TMEM65: variants seen among roughly 807,000 people sequenced by gnomAD.
TMEM65 encodes the protein transmembrane protein 65.
Under a neutral mutation model 25.4 loss-of-function variants are expected in TMEM65, and 22 were observed. The observed-to-expected ratio is 0.86, with a 90% CI of 0.62 to 1.23. The LOEUF (loss-of-function observed/expected upper bound fraction) is 1.23, where lower values mean the gene tolerates loss of function less well. Among genes scored for constraint, TMEM65 ranks in the 50% most tolerant of loss-of-function variants. The pLI is 0.00. For synonymous variants in TMEM65, 132 were observed against 126.2 expected, an observed-to-expected ratio of 1.05 and a Z score of -0.31; for missense variants, 262 against 308.2, an observed-to-expected ratio of 0.85 and a Z score of 1.12.
chr8:124,334,417 GA>G (rs1814476663), intron 1 of TMEM65, among the ~76,000 whole-genome samples: 4 of 151,778 alleles, frequency 2.6e-5, no homozygotes, highest in Admixed American at 1.3e-4. Context: ...AGAAAATATC[GA>G]AAAAAGAACC....
chr8:124,342,446 T>C (rs1814592845), intron 1 of TMEM65, among the ~76,000 whole-genome samples: 1 of 152,162 alleles, frequency 6.6e-6, no homozygotes, highest in South Asian at 2.1e-4. Context: ...TGGCAGATTT[T>C]CACAGTAGTT....
chr8:124,367,846 T>G (rs1333256477), intron 1 of TMEM65, among the ~76,000 whole-genome samples: 1 of 147,144 alleles, frequency 6.8e-6, no homozygotes, highest in Non-Finnish European at 1.5e-5. Flanking sequence ...ACCACTCACA[T>G]AGAGTAATCA....
At chr8:124,331,566 G>A (rs565131465) in intron 1 of TMEM65, among the ~76,000 whole-genome samples, 2 of 151,516 alleles carry the variant, frequency 1.3e-5, no homozygotes, top group East Asian at 1.9e-4. Flanking sequence ...GTATCTTTAC[G>A]TGTCAACATT....
At chr8:124,318,080 G>A (rs760685116) in intron 6 of TMEM65, among the ~76,000 whole-genome samples, 6 of 152,184 alleles carry the variant, frequency 3.9e-5, no homozygotes, top group African/African-American at 7.2e-5. Flanking sequence ...TACCAAAAGC[G>A]AGTTGCACAA....
intron 1 of TMEM65, among the ~76,000 whole-genome samples, chr8:124,344,483 C>A (rs1279249945): frequency 6.6e-6 from 1 of 152,198 alleles, no homozygotes; most frequent in African/African-American, 2.4e-5. Context: ...TCTTCAAATT[C>A]TCTTGCTAAA....
At chr8:124,345,607 T>C (rs1030439446) in intron 1 of TMEM65, among the ~76,000 whole-genome samples, 1 of 152,236 alleles carries the variant, frequency 6.6e-6, no homozygotes, top group Non-Finnish European at 1.5e-5. Context: ...TATTATTTAA[T>C]AGAAACTATA....
intron 1 of TMEM65, among the ~76,000 whole-genome samples, chr8:124,357,835 T>TC: frequency 7.0e-6 from 1 of 143,844 alleles, no homozygotes; most frequent in East Asian, 2.0e-4. Context: ...TTATCTTTTT[T>TC]TTTTTTTTTT....
At chr8:124,341,171 C>T (rs1458896993) in intron 1 of TMEM65, among the ~76,000 whole-genome samples, 1 of 151,670 alleles carries the variant, frequency 6.6e-6, no homozygotes, top group African/African-American at 2.4e-5. Context: ...TAAGCAAAAG[C>T]TATAAAGTAT....
At chr8:124,348,870 T>C (rs1206827793) in intron 1 of TMEM65, among the ~76,000 whole-genome samples, 1 of 152,208 alleles carries the variant, frequency 6.6e-6, no homozygotes, top group East Asian at 1.9e-4. Context: ...AGAAGAGGTT[T>C]GGATATGCAG....
intron 1 of TMEM65, among the ~76,000 whole-genome samples, chr8:124,356,773 T>C (rs929703614): frequency 6.6e-6 from 1 of 151,962 alleles, no homozygotes; most frequent in African/African-American, 2.4e-5. Flanking sequence ...AATGGCGTGA[T>C]CTCAGCTCAC....
chr8:124,335,747 A>T (rs1814498927), intron 1 of TMEM65, among the ~76,000 whole-genome samples: 1 of 152,106 alleles, frequency 6.6e-6, no homozygotes, highest in Non-Finnish European at 1.5e-5. Flanking sequence ...ATAGTTAAGA[A>T]CCTAATAAGT....
chr8:124,356,296 T>TC (rs1445947644), intron 1 of TMEM65, among the ~76,000 whole-genome samples: 1 of 152,170 alleles, frequency 6.6e-6, no homozygotes, highest in African/African-American at 2.4e-5. Flanking sequence ...TCTGTGATTT[T>TC]CCCCCATGCA....
intron 1 of TMEM65, among the ~76,000 whole-genome samples, chr8:124,345,742 T>A (rs932697114): frequency 2.6e-5 from 4 of 151,818 alleles, no homozygotes; most frequent in African/African-American, 9.7e-5. Context: ...TTATTATTTA[T>A]TTATTTATTT....
intron 2 of TMEM65, among the ~76,000 whole-genome samples, chr8:124,329,923 T>G (rs984506662): frequency 6.6e-6 from 1 of 151,934 alleles, no homozygotes; most frequent in African/African-American, 2.4e-5. Flanking sequence ...TTTAAATTGT[T>G]TTGGTATTTG....
At chr8:124,333,472 T>TGC (rs1563592942) in intron 1 of TMEM65, among the ~76,000 whole-genome samples, 2 of 119,894 alleles carry the variant, frequency 1.7e-5, no homozygotes, top group African/African-American at 3.6e-5. Flanking sequence ...TGTGTGTGCG[T>TGC]GTGTGTGTGT....
intron 1 of TMEM65, among the ~76,000 whole-genome samples, chr8:124,339,044 C>T (rs1237281873): frequency 6.6e-6 from 1 of 150,964 alleles, no homozygotes; most frequent in African/African-American, 2.4e-5. Context: ...CAAAAATTAG[C>T]TGGGCGTGGT....
chr8:124,327,218 G>C (rs1814375051), intron 3 of TMEM65, 136 bp downstream of exon 3: 2 of 634,828 alleles, frequency 3.2e-6, no homozygotes, highest in Non-Finnish European at 5.5e-6. Context: ...TTGAGCTATA[G>C]TCTGAGATAT....
chr8:124,366,748 C>CTTGAT (rs2131232561), intron 1 of TMEM65, among the ~76,000 whole-genome samples: 1 of 79,996 alleles, frequency 1.3e-5, no homozygotes, highest in South Asian at 4.3e-4. Context: ...ACTTGATTAT[C>CTTGAT]TGTCTTCTAC....
chr8:124,356,684 A>G (rs1814786428), intron 1 of TMEM65, among the ~76,000 whole-genome samples: 1 of 152,112 alleles, frequency 6.6e-6, no homozygotes, highest in African/African-American at 2.4e-5. Context: ...TACTTGACCT[A>G]TCTAAAGCAT....
Sources: allele counts gnomAD v4.1 joint callset (sites outside exome capture counted in the v4.1 genomes callset), GRCh38; gene constraint gnomAD v4.1.1; transcripts MANE v1.5; gene names NCBI Gene and HGNC (gene_info 2026-07-23, HGNC 2026-07-21).